Variants in SMC5 observed in about 807,000 individuals in gnomAD.
The protein encoded by SMC5 is structural maintenance of chromosomes protein 5.
A neutral mutation model predicts 148.3 loss-of-function variants in SMC5; 88 were observed. That is an observed-to-expected ratio of 0.59 (90% CI 0.50 to 0.71). SMC5 has a LOEUF of 0.71. Ranked by LOEUF, SMC5 falls within the 30% of genes least tolerant of loss-of-function variation. The probability of loss-of-function intolerance (pLI) is 0.00; values close to 1 mark genes in which losing one functional copy is unlikely to be tolerated. For missense variants in SMC5, 1,142 were observed against 1,298.9 expected, an observed-to-expected ratio of 0.88 and a Z score of 1.86; for synonymous variants, 421 against 432.8, an observed-to-expected ratio of 0.97 and a Z score of 0.34.
At chr9:70,267,892 C>G in intron 2 of SMC5, 31 bp from the exon 3 acceptor site, 1 of 1,588,604 alleles carries the variant, frequency 6.3e-7, no homozygotes, top group Admixed American at 1.7e-5. Context: ...AATGTCACTA[C>G]ACAGCTCACT....
chr9:70,329,348 A>G (rs1216958328), intron 17 of SMC5, among the ~76,000 whole-genome samples: 3 of 152,194 alleles, frequency 2.0e-5, no homozygotes, highest in African/African-American at 7.2e-5. Flanking sequence ...GCAAATGAGC[A>G]TAGGCTGTTA....
At chr9:70,347,789 G>T (rs752125481) in intron 21 of SMC5, 72 bp downstream of exon 21, 5 of 1,250,878 alleles carry the variant, frequency 4.0e-6, no homozygotes, top group African/African-American at 1.5e-5. Context: ...AATGGAAAAT[G>T]AGATGACATG....
chr9:70,278,652 ATTG>A (rs1000290916), intron 5 of SMC5, 27 bp downstream of exon 5: 2 of 1,572,876 alleles, frequency 1.3e-6, no homozygotes, highest in Non-Finnish European at 1.7e-6. Context: ...ACTCATTTGT[ATTG>A]TTTCTTATTG....
At position 70,318,684 on chromosome 9, in the gene SMC5, A is replaced by G. The variant is rs2035870902; in HGVS notation, c.1977A>G (p.Leu659=). The change falls in exon 14 of 25, where the codon CTA becomes CTG. Residue 659 remains leucine (L), a synonymous_variant. Coordinates refer to ENST00000361138, the MANE Select transcript of SMC5 (RefSeq NM_015110.4). ...LEQRRHLEEQ[L]KEIHRKLQAV... ...AGAGAAGACACTTAGAAGAACAGCT[A>G]AAGGTTGGTTAATTTGATCTGAATG... 2 of 1,588,846 alleles carry G rather than the reference A, an allele frequency of 1.3e-6. No homozygotes were observed. The highest frequency in any genetic ancestry group is 1.7e-6 in the Non-Finnish European group (2 of 1,171,022).
chr9:70,347,621 G>A lies in SMC5; in HGVS notation c.2673G>A (p.Gln891=), dbSNP rs748067372. The change falls in exon 21 of 25, where the codon CAG becomes CAA. Residue 891 remains glutamine (Q), a synonymous_variant. Transcript: ENST00000361138. ...CFTGLNPTIV[Q]EYTKREEEIE... is the part of the protein sequence containing the mutation. ...TTTTTTTCCCCTGCCAGATTGTTCA[G>A]GAATATACAAAAAGAGAAGAAGAAA... 1.0e-5 allele frequency: 16 copies of A among 1,549,714 alleles called. No individual in the cohort carries two copies. The highest frequency in any genetic ancestry group is 1.4e-5 in the Non-Finnish European group (16 of 1,147,852).
At chr9:70,339,749 G>C (rs1289855577) in intron 17 of SMC5, among the ~76,000 whole-genome samples, 2 of 152,168 alleles carry the variant, frequency 1.3e-5, no homozygotes, top group Non-Finnish European at 2.9e-5. Context: ...AGGGGAGATT[G>C]TATTTATGAG....
At chr9:70,268,183 G>T (rs931613253) in intron 3 of SMC5, among the ~76,000 whole-genome samples, 3 of 152,190 alleles carry the variant, frequency 2.0e-5, no homozygotes, top group Admixed American at 2.0e-4. Flanking sequence ...GGTGGCTCAT[G>T]CCTGTAATCT....
chr9:70,330,837 C>T (rs969699904), intron 17 of SMC5, among the ~76,000 whole-genome samples: 2 of 151,956 alleles, frequency 1.3e-5, no homozygotes, highest in South Asian at 2.1e-4. Context: ...GCCACCACAC[C>T]CAGCCTACAT....
At chr9:70,282,267 T>G (rs1272214010) in intron 6 of SMC5, among the ~76,000 whole-genome samples, 155 bp from the exon 7 acceptor site, 1 of 152,210 alleles carries the variant, frequency 6.6e-6, no homozygotes, top group Non-Finnish European at 1.5e-5. Context: ...TTACTATTTC[T>G]GAAGTTGTCC....
At chr9:70,341,940 G>A (rs1185146396) in intron 17 of SMC5, among the ~76,000 whole-genome samples, 5 of 150,592 alleles carry the variant, frequency 3.3e-5, no homozygotes, top group East Asian at 2.0e-4. Flanking sequence ...ACATGCACAC[G>A]TATATTTATT....
At chr9:70,280,080 G>GTGA (rs2034709028) in intron 5 of SMC5, among the ~76,000 whole-genome samples, 1 of 152,110 alleles carries the variant, frequency 6.6e-6, no homozygotes, top group African/African-American at 2.4e-5. Flanking sequence ...CTTATTCAAA[G>GTGA]TGAATAATCA....
In SMC5 at chr9:70,354,034, A is replaced by G. The variant is rs1192914945; in HGVS notation, c.*1703A>G. ...AAATAAAATGGTCAATTACATTTCA[A>G]TTTACATAGGCCAACAACTGTTCCA... On this transcript the variant is annotated 3_prime_UTR_variant, in exon 25 of 25. Transcript: ENST00000361138. 2.0e-5 allele frequency: 3 copies of G among 152,248 alleles called. No homozygotes were observed. The highest frequency in any genetic ancestry group is 4.4e-5 in the Non-Finnish European group (3 of 68,044). The allele number at this position is 152,248 out of a possible 1,614,324, so 9.4% of individuals were successfully genotyped here.
intron 2 of SMC5, 101 bp from the exon 3 acceptor site, chr9:70,267,822 G>GA (rs893456507): frequency 3.8e-5 from 41 of 1,084,682 alleles, no homozygotes; most frequent in Non-Finnish European, 5.2e-5. Context: ...AGTGGTACCT[G>GA]AAAAAAATCT....
chr9:70,276,702 A>C (rs1468263716), intron 3 of SMC5, among the ~76,000 whole-genome samples: 1 of 152,186 alleles, frequency 6.6e-6, no homozygotes, highest in Non-Finnish European at 1.5e-5. Flanking sequence ...GGAGGTGTGG[A>C]GCAGTAGTAC....
intron 17 of SMC5, among the ~76,000 whole-genome samples, chr9:70,330,372 G>C (rs898107084): frequency 2.0e-5 from 3 of 152,004 alleles, no homozygotes; most frequent in African/African-American, 7.3e-5. Context: ...ACCCCCAGTT[G>C]AGAACCACTG....
chr9:70,296,651 T>C (rs1038516797), intron 8 of SMC5, among the ~76,000 whole-genome samples: 4 of 152,198 alleles, frequency 2.6e-5, no homozygotes, highest in African/African-American at 9.6e-5. Context: ...ATTATAACTT[T>C]TATAATGAGG....
chr9:70,272,075 T>G (rs2034463905), intron 3 of SMC5, among the ~76,000 whole-genome samples: 1 of 152,208 alleles, frequency 6.6e-6, no homozygotes, highest in African/African-American at 2.4e-5. Flanking sequence ...AGAATATCAG[T>G]TAAGTGACTA....
intron 11 of SMC5, among the ~76,000 whole-genome samples, chr9:70,307,204 C>A (rs1364725111): frequency 6.6e-6 from 1 of 152,120 alleles, no homozygotes; most frequent in African/African-American, 2.4e-5. Flanking sequence ...ACCAGCCTGG[C>A]CAATGTGGTG....
At chr9:70,290,961 A>G (rs1434068830) in intron 8 of SMC5, among the ~76,000 whole-genome samples, 1 of 152,172 alleles carries the variant, frequency 6.6e-6, no homozygotes. Flanking sequence ...AGTATGGGCC[A>G]TACTTTTTCC....
Sources: gnomAD v4.1 joint callset for allele counts (sites outside exome capture counted in the v4.1 genomes callset) on GRCh38, gnomAD v4.1.1 for gene constraint, MANE v1.5 for transcripts, NCBI Gene and HGNC (gene_info 2026-07-23, HGNC 2026-07-21) for gene names.